Variants in ASCC2 observed in about 807,000 individuals in gnomAD.
ASCC2 encodes the protein ASC-1 complex subunit P100.
ASCC2 carries 42 observed loss-of-function variants against 93.5 expected under a neutral mutation model. The observed-to-expected ratio is 0.45, with a 90% CI of 0.35 to 0.58. The LOEUF (loss-of-function observed/expected upper bound fraction) is 0.58. Among genes scored for constraint, ASCC2 ranks in the 20% least tolerant of loss-of-function variants. ASCC2 has a pLI of 0.00. For synonymous variants in ASCC2, 364 were observed against 384.2 expected, an observed-to-expected ratio of 0.95 and a Z score of 0.62; for missense variants, 859 against 977.6, an observed-to-expected ratio of 0.88 and a Z score of 1.62.
Position 29,789,037 on chromosome 22 carries a change from C to T in ASCC2, c.2250G>A (p.Arg750=), listed in dbSNP as rs1165803587. 6.2e-7 allele frequency: 1 copy of T among 1,614,078 alleles called. No homozygotes were observed. The highest frequency in any genetic ancestry group is 1.3e-5 in the African/African-American group (1 of 74,920). Residue 750 remains arginine (R), a synonymous_variant, in exon 20 of 20, where the codon AGG becomes AGA. Transcript: ENST00000307790. ...HNRRTMADRK[R]SKGMIPS is the part of the protein sequence containing the mutation. ...CTCAGGATGGGATCATGCCTTTGCT[C>T]CTCTTGCGGTCGGCCATGGTTCTCC...
intron 5 of ASCC2, among the ~76,000 whole-genome samples, chr22:29,819,474 T>G (rs1320919522): frequency 5.3e-5 from 8 of 152,100 alleles, no homozygotes; most frequent in African/African-American, 1.9e-4. Flanking sequence ...AACAACCCAA[T>G]GTAATCCCTG....
chr22:29,818,047 A>AG (rs769150548), intron 5 of ASCC2, among the ~76,000 whole-genome samples: 12 of 150,036 alleles, frequency 8.0e-5, no homozygotes, highest in East Asian at 2.0e-4. Context: ...AAAAAAAAAA[A>AG]TTAGGTGGGG....
At chr22:29,818,104 A>G (rs1201937089) in intron 5 of ASCC2, among the ~76,000 whole-genome samples, 1 of 121,564 alleles carries the variant, frequency 8.2e-6, no homozygotes. Flanking sequence ...ATTGCTTGGA[A>G]AAAAAAAAAA....
intron 12 of ASCC2, 97 bp from the exon 13 acceptor site, chr22:29,804,927 C>A: frequency 7.3e-7 from 1 of 1,369,482 alleles, no homozygotes; most frequent in South Asian, 1.3e-5. Flanking sequence ...TGGTTCCTGC[C>A]AGGGGCTTTC....
Position 29,825,732 on chromosome 22 carries a change from G to A in ASCC2, c.130C>T (p.Pro44Ser), listed in dbSNP as rs778283047. ...DRYFVLYKPP[P>S]KDNIPALVEE... ...ACTAGGGCGGGAATGTTGTCTTTAG[G>A]GGGCGGTTTGTATAACACAAAATAC... Residue 44 changes from proline (P) to serine (S), a missense_variant, in exon 3 of 20, where the codon CCT (proline) becomes TCT (serine). Coordinates refer to ENST00000307790, the MANE Select transcript of ASCC2 (RefSeq NM_032204.5). This position sits in a 1 kb window ranked among gnomAD's most constrained non-coding sequence, Gnocchi z 4.9. 3 of 1,614,158 alleles carry A rather than the reference G, an allele frequency of 1.9e-6. No homozygotes were observed. Among genetic ancestry groups the A allele is most frequent in the Non-Finnish European group, 2.5e-6 (3 of 1,180,006 alleles).
chr22:29,799,707 C>T (rs2058849611), intron 15 of ASCC2, among the ~76,000 whole-genome samples: 1 of 152,208 alleles, frequency 6.6e-6, no homozygotes, highest in Admixed American at 6.5e-5. Context: ...TTGCTGTTCT[C>T]TACTTGGATG....
Position 29,793,320 on chromosome 22 carries a change from G to A in ASCC2, c.1919+40C>T, listed in dbSNP as rs376284894. On this transcript the variant is annotated intron_variant, in intron 17 of 19. Transcript: ENST00000307790. ...GTGAGGGAGCCCCATGGGCCTGAGA[G>A]CTGCTCTGCCCTGGAACGCCACCCC... 2.5e-6 allele frequency: 4 copies of A among 1,609,384 alleles called. No individual in the cohort carries two copies. In the African/African-American group the frequency reaches 4.0e-5, roughly 16 times the overall value.
intron 5 of ASCC2, among the ~76,000 whole-genome samples, chr22:29,817,927 G>C (rs1162975274): frequency 6.6e-6 from 1 of 152,022 alleles, no homozygotes; most frequent in Non-Finnish European, 1.5e-5. Context: ...TCCACAATTG[G>C]GCCAAGGCCC....
Position 29,838,203 on chromosome 22 carries a change from T to TGCCGCCGCCACC in ASCC2, c.-44_-43insGGTGGCGGCGGC. 2.2e-6 allele frequency: 1 copy of TGCCGCCGCCACC among 458,932 alleles called. No individual in the cohort carries two copies. The highest frequency in any genetic ancestry group is 6.7e-5 in the East Asian group (1 of 14,838). The allele number at this position is 458,932 out of a possible 1,614,324, so 28.4% of individuals were successfully genotyped here. A position where few individuals can be genotyped will look rare whatever the true frequency, so the allele number is the denominator to read the frequency against. On this transcript the variant is annotated 5_prime_UTR_variant, in exon 1 of 20. Transcript: ENST00000307790. ...CTCGGCGGCTCCACCACCGGCTCTG[T>TGCCGCCGCCACC]GCCGCCGCCGCCGCCGCCGCCGCCG...
At chr22:29,792,583 G>A in intron 17 of ASCC2, 48 bp from the exon 18 acceptor site, 12 of 1,608,722 alleles carry the variant, frequency 7.5e-6, no homozygotes, top group Non-Finnish European at 9.3e-6. Flanking sequence ...TCAACCAGGA[G>A]CAAGAGCCAC....
chr22:29,835,510 G>A (rs756245279), intron 1 of ASCC2, among the ~76,000 whole-genome samples: 24 of 152,106 alleles, frequency 1.6e-4, no homozygotes, highest in Non-Finnish European at 2.2e-4. Context: ...GGGAGAGAGC[G>A]CTACAGTCCT....
At chr22:29,810,275 C>A (rs2060135476) in intron 8 of ASCC2, 1 of 152,232 alleles carries the variant, frequency 6.6e-6, no homozygotes, top group Non-Finnish European at 1.5e-5. Flanking sequence ...AGTGAAACTG[C>A]AGCTGCCTCT....
intron 18 of ASCC2, among the ~76,000 whole-genome samples, chr22:29,791,890 G>A (rs2057796106): frequency 6.6e-6 from 1 of 152,232 alleles, no homozygotes; most frequent in Non-Finnish European, 1.5e-5. Flanking sequence ...ATTGCCGTTG[G>A]TGACCTGGCC....
At position 29,788,826 on chromosome 22, in the gene ASCC2, G is replaced by A; in HGVS notation, c.*187C>T. On this transcript the variant is annotated 3_prime_UTR_variant, in exon 20 of 20. Transcript: ENST00000307790. ...TTCTTCGGCTGTGGCATAAGGCACT[G>A]TGTGTTCTGCAGGAAGGCGCTCATG... The A allele has an allele frequency of 1.5e-6, 1 of 665,600 alleles. No homozygotes were observed. Among genetic ancestry groups the A allele is most frequent in the East Asian group, 2.8e-5 (1 of 36,226 alleles). 41.2% of individuals were successfully genotyped at this position (665,600 alleles called of 1,614,324 possible).
intron 8 of ASCC2, among the ~76,000 whole-genome samples, chr22:29,808,988 T>G (rs1410359322): frequency 6.6e-6 from 1 of 151,586 alleles, no homozygotes; most frequent in Non-Finnish European, 1.5e-5. Flanking sequence ...GAAGTGGTGG[T>G]GCACGCCTGT....
chr22:29,813,453 G>C lies in ASCC2; in HGVS notation c.810C>G (p.Phe270Leu), dbSNP rs1341478935. ...ACCTGTAACAAAAGTCGTGCTTCTG[G>C]AAGGTCTGGCAAGCCAAAGGGAAGA... ...LDIFPLACQT[F>L]QKHDFCYRLA... Residue 270 changes from phenylalanine to leucine, a missense_variant, in exon 8 of 20, where the codon TTC (phenylalanine) becomes TTG (leucine). By Grantham distance (22) the Phe-to-Leu change is conservative. Coordinates refer to ENST00000307790, the MANE Select transcript of ASCC2 (RefSeq NM_032204.5). 1 of 1,613,514 alleles carries C rather than the reference G, an allele frequency of 6.2e-7. No individual in the cohort carries two copies. The highest frequency in any genetic ancestry group is 8.5e-7 in the Non-Finnish European group (1 of 1,179,498).
At chr22:29,813,333 C>A in intron 8 of ASCC2, 97 bp downstream of exon 8, 1 of 910,300 alleles carries the variant, frequency 1.1e-6, no homozygotes, top group East Asian at 2.5e-5. Context: ...CTGGTACATT[C>A]TAAGCACCCA....
chr22:29,794,811 G>A (rs752981128), intron 15 of ASCC2, among the ~76,000 whole-genome samples: 6 of 152,186 alleles, frequency 3.9e-5, no homozygotes, highest in African/African-American at 7.2e-5. Flanking sequence ...AGAAAAATGC[G>A]TACAGTATGA....
intron 2 of ASCC2, among the ~76,000 whole-genome samples, chr22:29,830,450 T>TC (rs2062989003): frequency 6.6e-6 from 1 of 152,202 alleles, no homozygotes; most frequent in Admixed American, 6.5e-5. Flanking sequence ...ACTAAGGTTG[T>TC]CCTACCAGGT....
Sources: gnomAD v4.1 joint callset for allele counts (sites outside exome capture counted in the v4.1 genomes callset) on GRCh38, gnomAD v4.1.1 for gene constraint, Gnocchi (gnomAD v3.1) non-coding constraint, MANE v1.5 for transcripts, NCBI Gene and HGNC (gene_info 2026-07-23, HGNC 2026-07-21) for gene names.